TMTC1: variants seen among roughly 807,000 people sequenced by gnomAD.
TMTC1 encodes the protein protein O-mannosyl-transferase TMTC1.
A neutral mutation model predicts 104.8 loss-of-function variants in TMTC1; 73 were observed. That is an observed-to-expected ratio of 0.70 (90% CI 0.58 to 0.85). The LOEUF (loss-of-function observed/expected upper bound fraction) is 0.85. Among genes scored for constraint, TMTC1 ranks in the 40% least tolerant of loss-of-function variants. The pLI is 0.00. For missense variants in TMTC1, 1,035 were observed against 1,096.1 expected (o/e 0.94, Z 0.79); for synonymous variants, 434 against 428.7 (o/e 1.01, Z -0.15).
At chr12:29,782,412 C>G (rs187879269) in intron 1 of TMTC1, among the ~76,000 whole-genome samples, 4 of 152,192 alleles carry the variant, frequency 2.6e-5, no homozygotes, top group Non-Finnish European at 4.4e-5. Flanking sequence ...AGCTGCCAAC[C>G]CAGTCTCAAA....
chr12:29,509,097 T>A (rs555994683), intron 17 of TMTC1, among the ~76,000 whole-genome samples: 1 of 152,292 alleles, frequency 6.6e-6, no homozygotes, highest in South Asian at 2.1e-4. Context: ...TAGCCATGTG[T>A]AGCTAGTGGC....
At chr12:29,722,489 T>C (rs1018502147) in intron 5 of TMTC1, among the ~76,000 whole-genome samples, 1 of 152,242 alleles carries the variant, frequency 6.6e-6, no homozygotes, top group Non-Finnish European at 1.5e-5. Flanking sequence ...TTCTGTTCAC[T>C]AATTGTAGGT....
intron 7 of TMTC1, among the ~76,000 whole-genome samples, chr12:29,601,831 A>T (rs1312134750): frequency 6.6e-6 from 1 of 151,454 alleles, no homozygotes; most frequent in Non-Finnish European, 1.5e-5. Context: ...TTTATATATA[A>T]TCATCTCTTT....
At chr12:29,748,187 T>C (rs1943003804) in intron 5 of TMTC1, among the ~76,000 whole-genome samples, 1 of 152,210 alleles carries the variant, frequency 6.6e-6, no homozygotes, top group Admixed American at 6.5e-5. Flanking sequence ...CAATTCCAGC[T>C]GTGCTATCTG....
At chr12:29,613,663 G>A (rs1322256031) in intron 6 of TMTC1, among the ~76,000 whole-genome samples, 1 of 152,134 alleles carries the variant, frequency 6.6e-6, no homozygotes, top group East Asian at 1.9e-4. Flanking sequence ...AATGAATCTA[G>A]CTTTGATGAA....
At chr12:29,754,264 T>C (rs1248038491) in intron 4 of TMTC1, among the ~76,000 whole-genome samples, 1 of 150,886 alleles carries the variant, frequency 6.6e-6, no homozygotes, top group Non-Finnish European at 1.5e-5. Context: ...AGCCATTTAG[T>C]ATGATGAAGG....
chr12:29,783,179 C>CGA lies in TMTC1; in HGVS notation c.302+269_302+270dup. 1 of 370,056 alleles carries CGA rather than the reference C, an allele frequency of 2.7e-6. No individual in the cohort carries two copies. Among genetic ancestry groups the CGA allele is most frequent in the Non-Finnish European group, 4.8e-6 (1 of 208,562 alleles). 22.9% of individuals were successfully genotyped at this position (370,056 alleles called of 1,614,324 possible). On this transcript the variant is annotated intron_variant, in intron 1 of 17. Transcript: ENST00000539277. This position sits in a 1 kb window ranked among gnomAD's most constrained non-coding sequence, Gnocchi z 4.7. ...CACCAGCCCGCTCCCAGCCCTGCCTCGAGAGAGAAGCCCGCTGAGAGGGCA... is the reference window on the plus strand; with the variant it reads ...CACCAGCCCGCTCCCAGCCCTGCCTCGAGAGAGAGAAGCCCGCTGAGAGGGCA...
rs1476782753 is a variant in TMTC1, at chr12:29,560,117, C to T, written c.1533-3117G>A. Reference sequence around the variant, plus strand: ...AAGATGAATAATGTAAGAGATGTCTCTGTTGCTACATCAATTGTCGGAATA... The same window carrying T: ...AAGATGAATAATGTAAGAGATGTCTTTGTTGCTACATCAATTGTCGGAATA... On this transcript the variant is annotated intron_variant, in intron 9 of 17. Coordinates refer to ENST00000539277, the MANE Select transcript of TMTC1 (RefSeq NM_001193451.2). 2.6e-5 allele frequency among the ~76,000 whole-genome samples: 4 copies of T among 152,198 alleles called. No individual in the cohort carries two copies. In the East Asian group the frequency reaches 5.8e-4, roughly 22 times the overall value.
chr12:29,653,924 T>C (rs1295974373), intron 5 of TMTC1, among the ~76,000 whole-genome samples: 2 of 152,180 alleles, frequency 1.3e-5, no homozygotes, highest in African/African-American at 4.8e-5. Flanking sequence ...GTTTTAAATA[T>C]TAAAAACATA....
chr12:29,563,833 G>C (rs781567922), intron 9 of TMTC1, among the ~76,000 whole-genome samples: 2 of 152,274 alleles, frequency 1.3e-5, no homozygotes, highest in Non-Finnish European at 2.9e-5. Flanking sequence ...AGCGCCCTGT[G>C]GTAGAAGAGA....
At chr12:29,756,971 T>C (rs1270541987) in intron 3 of TMTC1, among the ~76,000 whole-genome samples, 4 of 152,158 alleles carry the variant, frequency 2.6e-5, no homozygotes, top group East Asian at 1.9e-4. Context: ...CCCCCAAATA[T>C]ATTAACCACA....
intron 6 of TMTC1, among the ~76,000 whole-genome samples, chr12:29,630,743 C>A (rs7954923): frequency 0.89 from 135,148 of 152,262 alleles, 60,146 homozygotes; most frequent in East Asian, 1. Context: ...TTCACAGACA[C>A]GATATTCATA....
intron 5 of TMTC1, among the ~76,000 whole-genome samples, chr12:29,732,475 A>G (rs1942568755): frequency 6.6e-6 from 1 of 152,196 alleles, no homozygotes; most frequent in Admixed American, 6.5e-5. Context: ...ACACCAAGAG[A>G]AAGACACCAT....
At chr12:29,679,959 A>G (rs1481025993) in intron 5 of TMTC1, among the ~76,000 whole-genome samples, 4 of 152,222 alleles carry the variant, frequency 2.6e-5, no homozygotes, top group Non-Finnish European at 5.9e-5. Context: ...TATACCTAGT[A>G]CTATATAACT....
chr12:29,645,380 T>C (rs1037958347), intron 5 of TMTC1, among the ~76,000 whole-genome samples: 11 of 152,204 alleles, frequency 7.2e-5, no homozygotes, highest in Non-Finnish European at 1.3e-4. Flanking sequence ...CAGCTTATTT[T>C]TTCTTATTTT....
At chr12:29,694,884 G>A (rs1464704944) in intron 5 of TMTC1, among the ~76,000 whole-genome samples, 5 of 152,150 alleles carry the variant, frequency 3.3e-5, no homozygotes, top group Non-Finnish European at 7.4e-5. Flanking sequence ...AGGTTGCAGT[G>A]AGCCTTGCCA....
chr12:29,713,972 T>C (rs1436974485), intron 5 of TMTC1, among the ~76,000 whole-genome samples: 1 of 152,144 alleles, frequency 6.6e-6, no homozygotes, highest in Non-Finnish European at 1.5e-5. Context: ...CTCTCTCTCC[T>C]GCTCTTCCTC....
intron 7 of TMTC1, among the ~76,000 whole-genome samples, chr12:29,597,205 T>C (rs1337011385): frequency 6.6e-6 from 1 of 151,748 alleles, no homozygotes; most frequent in Non-Finnish European, 1.5e-5. Context: ...TTTTTTTTCT[T>C]TTCTTTTCTT....
Position 29,755,831 on chromosome 12 carries a change from G to A in TMTC1, c.609C>T (p.Phe203=). The change falls in exon 4 of 18, where the codon TTC becomes TTT. Residue 203 remains phenylalanine (F), a synonymous_variant. Coordinates refer to ENST00000539277, the MANE Select transcript of TMTC1 (RefSeq NM_001193451.2). ...GGSFPSTVSP[F]FLLLSLFLGT... ...CCAGAAACAAACTGAGCAGCAAGAA[G>A]AAGGGAGACACCGTGGAAGGGAAAC... 2 of 1,614,184 alleles carry A rather than the reference G, an allele frequency of 1.2e-6. No homozygotes were observed. Among genetic ancestry groups the A allele is most frequent in the South Asian group, 2.2e-5 (2 of 91,082 alleles).
Sources: allele counts gnomAD v4.1 joint callset (sites outside exome capture counted in the v4.1 genomes callset), GRCh38; gene constraint gnomAD v4.1.1; non-coding constraint Gnocchi (gnomAD v3.1); transcripts MANE v1.5; gene names NCBI Gene and HGNC (gene_info 2026-07-23, HGNC 2026-07-21).